The following BTBD10 variants were observed in gnomAD, a reference collection of about 807,000 sequenced individuals.
BTBD10 encodes BTB/POZ domain-containing protein 10.
Under a neutral mutation model 53.2 loss-of-function variants are expected in BTBD10, and 21 were observed. The observed-to-expected ratio is 0.39, with a 90% confidence interval of 0.28 to 0.57. The LOEUF (loss-of-function observed/expected upper bound fraction) is 0.57, where lower values mean the gene tolerates loss of function less well. Ranked by LOEUF, BTBD10 falls within the 20% of genes least tolerant of loss-of-function variation. BTBD10 has a pLI of 0.53. For synonymous variants in BTBD10, 149 were observed against 192.7 expected (o/e 0.77, Z 1.88); for missense variants, 360 against 594.7 (o/e 0.61, Z 4.10).
intron 1 of BTBD10, 140 bp from the exon 2 acceptor site, chr11:13,445,321 C>A: frequency 2.5e-6 from 1 of 404,714 alleles, no homozygotes; most frequent in Non-Finnish European, 4.4e-6. Context: ...ACAAATGCCA[C>A]AAATCAAATT....
chr11:13,402,550 A>G (rs1255053357), intron 8 of BTBD10, among the ~76,000 whole-genome samples: 1 of 152,216 alleles, frequency 6.6e-6, no homozygotes, highest in Non-Finnish European at 1.5e-5. Context: ...TTGTCATGTT[A>G]TATCAATTAA....
At chr11:13,403,018 G>A in intron 8 of BTBD10, 150 bp downstream of exon 8, 1 of 490,056 alleles carries the variant, frequency 2.0e-6, no homozygotes, top group Non-Finnish European at 3.6e-6. Context: ...GCTGATTTTT[G>A]TTATTTATAG....
At chr11:13,440,279 T>G (rs970602690) in intron 2 of BTBD10, 17 of 1,190,468 alleles carry the variant, frequency 1.4e-5, no homozygotes, top group Non-Finnish European at 1.8e-5. Flanking sequence ...CAGCATCGTG[T>G]GAGCTGTGAT....
chr11:13,409,454 T>C (rs1286733914), intron 6 of BTBD10, among the ~76,000 whole-genome samples: 1 of 152,164 alleles, frequency 6.6e-6, no homozygotes, highest in African/African-American at 2.4e-5. Context: ...TAGTACAGAG[T>C]AGAGTCATTA....
At chr11:13,440,736 G>A (rs1002904246) in intron 2 of BTBD10, among the ~76,000 whole-genome samples, 1 of 152,162 alleles carries the variant, frequency 6.6e-6, no homozygotes, top group African/African-American at 2.4e-5. Flanking sequence ...TATACTGAAT[G>A]TATGATGCAT....
chr11:13,406,616 AGTGT>A (rs71041525), intron 6 of BTBD10, among the ~76,000 whole-genome samples: 1,890 of 148,198 alleles, frequency 0.013, 17 homozygotes, highest in Admixed American at 0.03. Context: ...AGAGAGAGAC[AGTGT>A]GTGTGTGTGT....
At chr11:13,434,749 C>CTGTA (rs1232418884) in intron 2 of BTBD10, among the ~76,000 whole-genome samples, 1 of 152,220 alleles carries the variant, frequency 6.6e-6, no homozygotes, top group Non-Finnish European at 1.5e-5. Flanking sequence ...TCAGATGTTA[C>CTGTA]TGTAAATAAT....
chr11:13,419,793 T>G, intron 3 of BTBD10, 48 bp from the exon 4 acceptor site: 1 of 1,416,078 alleles, frequency 7.1e-7, no homozygotes, highest in Non-Finnish European at 9.7e-7. Context: ...CTTTTACAAA[T>G]TCAAGATTTA....
chr11:13,410,025 TA>T (rs1949906060), intron 6 of BTBD10, among the ~76,000 whole-genome samples: 1 of 152,108 alleles, frequency 6.6e-6, no homozygotes, highest in Non-Finnish European at 1.5e-5. Context: ...AAGTGAGGGA[TA>T]AAAGACTACA....
chr11:13,456,688 C>T (rs997325071), intron 1 of BTBD10, among the ~76,000 whole-genome samples: 2 of 152,110 alleles, frequency 1.3e-5, no homozygotes, highest in African/African-American at 4.8e-5. Flanking sequence ...CCAAAACAGA[C>T]AATGCACAAA....
intron 5 of BTBD10, among the ~76,000 whole-genome samples, chr11:13,414,510 C>T (rs189519276): frequency 5.3e-5 from 8 of 152,030 alleles, no homozygotes; most frequent in Non-Finnish European, 1.0e-4. Context: ...AAAAATTAGC[C>T]GGGTGTGGTG....
At chr11:13,410,842 G>A (rs1949926635) in intron 6 of BTBD10, among the ~76,000 whole-genome samples, 1 of 152,132 alleles carries the variant, frequency 6.6e-6, no homozygotes, top group African/African-American at 2.4e-5. Flanking sequence ...GAAACTATAT[G>A]AAGAAAATGA....
At chr11:13,424,281 A>G (rs956569807) in intron 2 of BTBD10, among the ~76,000 whole-genome samples, 2 of 152,200 alleles carry the variant, frequency 1.3e-5, no homozygotes, top group African/African-American at 4.8e-5. Context: ...AGGGCCAAGC[A>G]GACTGAGTAA....
intron 1 of BTBD10, among the ~76,000 whole-genome samples, chr11:13,457,519 C>G (rs1428416673): frequency 1.3e-5 from 2 of 152,138 alleles, no homozygotes; most frequent in East Asian, 3.8e-4. Flanking sequence ...ATTGTACTAC[C>G]TTTTGTAACA....
chr11:13,430,970 T>TAC (rs1387664736), intron 2 of BTBD10, among the ~76,000 whole-genome samples: 1 of 14,682 alleles, frequency 6.8e-5, no homozygotes, highest in Admixed American at 1.1e-3. Flanking sequence ...TTTATGGAGA[T>TAC]ACATACACAC....
intron 4 of BTBD10, among the ~76,000 whole-genome samples, chr11:13,419,133 T>C (rs945534157): frequency 2.6e-5 from 4 of 152,158 alleles, no homozygotes; most frequent in Non-Finnish European, 5.9e-5. Flanking sequence ...CATATTATCA[T>C]TGCTAAATTC....
At chr11:13,424,772 G>A (rs2133979588) in intron 2 of BTBD10, among the ~76,000 whole-genome samples, 1 of 152,262 alleles carries the variant, frequency 6.6e-6, no homozygotes. Flanking sequence ...GGAAACAACA[G>A]TCTGCAAGAC....
intron 2 of BTBD10, among the ~76,000 whole-genome samples, chr11:13,425,697 A>G (rs1472997034): frequency 1.3e-5 from 2 of 152,182 alleles, no homozygotes; most frequent in Non-Finnish European, 2.9e-5. Flanking sequence ...ATAACTTATT[A>G]TATATTACCA....
chr11:13,445,020 C>A lies in BTBD10; in HGVS notation c.101+4G>T. The A allele has an allele frequency of 1.1e-5, 17 of 1,595,998 alleles. No homozygotes were observed. The highest frequency in any genetic ancestry group is 1.5e-5 in the Non-Finnish European group (17 of 1,164,368). ...CATATGCGAAATACATATTTTCTACCTACCTTGAATGTTTATAAAGTTTAC... is the reference window on the plus strand; with the variant it reads ...CATATGCGAAATACATATTTTCTACATACCTTGAATGTTTATAAAGTTTAC... On this transcript the variant is annotated splice_donor_region_variant and intron_variant, in intron 2 of 8. Coordinates refer to ENST00000278174, the MANE Select transcript of BTBD10 (RefSeq NM_032320.7).
Sources: allele counts gnomAD v4.1 joint callset (sites outside exome capture counted in the v4.1 genomes callset), GRCh38; gene constraint gnomAD v4.1.1; transcripts MANE v1.5; gene names NCBI Gene and HGNC (gene_info 2026-07-23, HGNC 2026-07-21).